Variants in AKAP12 observed in about 807,000 individuals in gnomAD.
AKAP12 encodes A-kinase anchor protein 12.
A neutral mutation model predicts 79.9 loss-of-function variants in AKAP12; 32 were observed. The observed-to-expected ratio is 0.40, with a 90% CI of 0.30 to 0.54. AKAP12 has a LOEUF of 0.54. Ranked by LOEUF, AKAP12 falls within the 20% of genes least tolerant of loss-of-function variation. AKAP12 has a pLI of 0.48. For missense variants in AKAP12, 2,074 were observed against 2,177.0 expected (o/e 0.95, Z 0.94); for synonymous variants, 808 against 857.0 (o/e 0.94, Z 1.00).
chr6:151,270,757 G>A (rs1267638078), intron 2 of AKAP12, among the ~76,000 whole-genome samples: 1 of 151,876 alleles, frequency 6.6e-6, no homozygotes, highest in Admixed American at 6.6e-5. Context: ...TGGTTTTGAT[G>A]TGCATTTCCC....
At chr6:151,252,702 T>C (rs1273680601) in intron 2 of AKAP12, among the ~76,000 whole-genome samples, 1 of 128,100 alleles carries the variant, frequency 7.8e-6, no homozygotes, top group Non-Finnish European at 1.5e-5. Context: ...GAGACCAGCC[T>C]GGACAAGATA....
intron 2 of AKAP12, among the ~76,000 whole-genome samples, chr6:151,255,821 G>A (rs1420820754): frequency 2.0e-5 from 3 of 152,154 alleles, no homozygotes; most frequent in Non-Finnish European, 4.4e-5. Context: ...CAAAAAGCAA[G>A]CGCTAATGGA....
chr6:151,350,408 G>A lies in AKAP12; in HGVS notation c.2017G>A (p.Val673Met), dbSNP rs771068398. The A allele has an allele frequency of 1.9e-6, 3 of 1,613,948 alleles. No homozygotes were observed. Among genetic ancestry groups the A allele is most frequent in the Non-Finnish European group, 2.5e-6 (3 of 1,180,052 alleles). Reference protein sequence around the residue: ...EPKPEEPKRKVDTSVSWEALI... With the variant: ...EPKPEEPKRKMDTSVSWEALI... Reference sequence around the variant, plus strand: ...AAAGCCGGAAGAACCAAAGCGCAAGGTGGATACCTCAGTATCTTGGGAAGC... The same window carrying A: ...AAAGCCGGAAGAACCAAAGCGCAAGATGGATACCTCAGTATCTTGGGAAGC... The change falls in exon 4 of 5, where the codon GTG becomes ATG. Residue 673 changes from valine to methionine, a missense_variant. Transcript: ENST00000402676. The surrounding 1 kb of genome is among the most constrained non-coding windows in gnomAD (Gnocchi z 4.8).
intron 3 of AKAP12, among the ~76,000 whole-genome samples, chr6:151,342,646 A>G (rs1166194757): frequency 6.6e-6 from 1 of 152,198 alleles, no homozygotes; most frequent in African/African-American, 2.4e-5. Context: ...AGACTAGTTG[A>G]CCAGCTACAA....
chr6:151,331,469 C>T (rs1370781204), intron 3 of AKAP12, among the ~76,000 whole-genome samples: 2 of 152,144 alleles, frequency 1.3e-5, no homozygotes, highest in African/African-American at 4.8e-5. Context: ...CTTAGAAAAA[C>T]ATAAAGCAAA....
At chr6:151,329,104 C>T (rs563022703) in intron 3 of AKAP12, among the ~76,000 whole-genome samples, 114 of 144,610 alleles carry the variant, frequency 7.9e-4, no homozygotes, top group African/African-American at 3.0e-3. Flanking sequence ...CTGTAAATGG[C>T]GTGCCAGCAT....
rs947330673 is a variant in AKAP12 at position 151,358,003 on chromosome 6, T to C, written c.*2289T>C. On this transcript the variant is annotated 3_prime_UTR_variant, in exon 5 of 5. Transcript: ENST00000402676. ...TGCGATTCCATGAGTAGCTGCTTTA[T>C]GACTGCTTTTTGTACTATCTGGATG... 8 of 152,224 alleles carry C rather than the reference T, an allele frequency of 5.3e-5. No homozygotes were observed. Among genetic ancestry groups the C allele is most frequent in the African/African-American group, 1.9e-4 (8 of 41,452 alleles). 9.4% of individuals were successfully genotyped at this position (152,224 alleles called of 1,614,324 possible).
intron 3 of AKAP12, among the ~76,000 whole-genome samples, chr6:151,342,515 A>G (rs1283360505): frequency 6.6e-6 from 1 of 152,170 alleles, no homozygotes; most frequent in African/African-American, 2.4e-5. Flanking sequence ...GAGTGAGTAG[A>G]TTGCCCCAGC....
intron 4 of AKAP12, among the ~76,000 whole-genome samples, chr6:151,354,425 A>G (rs62441541): frequency 0.012 from 1,877 of 151,976 alleles, 29 homozygotes; most frequent in Non-Finnish European, 0.015. Context: ...CCAGGCTGGA[A>G]TGCAGTGGCG....
chr6:151,320,489 T>C (rs900551062), intron 3 of AKAP12, among the ~76,000 whole-genome samples: 1 of 152,084 alleles, frequency 6.6e-6, no homozygotes, highest in African/African-American at 2.4e-5. Context: ...CACATGTGGC[T>C]TTGCTGCCAC....
chr6:151,317,751 A>G (rs1349394287), intron 3 of AKAP12, among the ~76,000 whole-genome samples: 1 of 152,204 alleles, frequency 6.6e-6, no homozygotes, highest in African/African-American at 2.4e-5. Flanking sequence ...AGTGAAGAAA[A>G]CATCAATATA....
chr6:151,255,487 T>C (rs1033095438), intron 2 of AKAP12, among the ~76,000 whole-genome samples: 2 of 151,896 alleles, frequency 1.3e-5, no homozygotes, highest in African/African-American at 4.8e-5. Context: ...GTTTCTTTAT[T>C]GTGGGATCCT....
chr6:151,289,264 C>T lies in AKAP12; in HGVS notation c.163-16483C>T, dbSNP rs189231273. On this transcript the variant is annotated intron_variant, in intron 2 of 4. Coordinates refer to ENST00000402676, the MANE Select transcript of AKAP12 (RefSeq NM_005100.4). ...AGACGGGGAAATTCAAACTGATACT[C>T]TCCACCCCTAATGTTGAGAGAGATG... Among the ~76,000 whole-genome samples the T allele has an allele frequency of 2.0e-5, 3 of 152,290 alleles. No individual in the cohort carries two copies. The East Asian group carries it at 5.8e-4, about 29-fold the overall frequency.
intron 2 of AKAP12, among the ~76,000 whole-genome samples, chr6:151,271,297 C>T (rs1039841252): frequency 1.3e-5 from 2 of 151,918 alleles, no homozygotes; most frequent in African/African-American, 2.4e-5. Flanking sequence ...TTCTGCTTAC[C>T]CCCAGTGCCA....
At chr6:151,267,279 A>G (rs543434322) in intron 2 of AKAP12, among the ~76,000 whole-genome samples, 1 of 152,318 alleles carries the variant, frequency 6.6e-6, no homozygotes, top group Admixed American at 6.5e-5. Context: ...GGTGGTTAAT[A>G]TAGAGCATTT....
intron 3 of AKAP12, among the ~76,000 whole-genome samples, chr6:151,338,494 T>A (rs188602037): frequency 5.3e-5 from 8 of 151,508 alleles, no homozygotes; most frequent in Admixed American, 6.6e-5. Flanking sequence ...CTTGCTCTGT[T>A]GCCCAGGATG....
rs1433765953 is a variant in AKAP12, at chr6:151,323,796, C to G, written c.319+17893C>G. The stretch of plus-strand genomic sequence containing the variant: ...ATAGAAAGGAGAGGAGCTGGAGATT[C>G]ATTCTGCTCTGCAAGGGCAGACTCG... On this transcript the variant is annotated intron_variant, in intron 3 of 4. Transcript: ENST00000402676. 7 of 985,252 alleles carry G rather than the reference C, an allele frequency of 7.1e-6. No individual in the cohort carries two copies. The African/African-American group carries it at 8.7e-5, about 12-fold the overall frequency. 61.0% of individuals were successfully genotyped at this position (985,252 alleles called of 1,614,324 possible).
chr6:151,268,342 G>A (rs1040057444), intron 2 of AKAP12, among the ~76,000 whole-genome samples: 8 of 152,072 alleles, frequency 5.3e-5, no homozygotes, highest in African/African-American at 1.9e-4. Context: ...GCTTGAACCC[G>A]GGAGGCAGAG....
intron 3 of AKAP12, chr6:151,319,527 GATAT>G (rs146314242): frequency 2.0e-5 from 2 of 101,270 alleles, no homozygotes; most frequent in African/African-American, 4.0e-5. Context: ...TCTCTATATA[GATAT>G]ATATATATAG....
Sources: gnomAD v4.1 joint callset for allele counts (sites outside exome capture counted in the v4.1 genomes callset) on GRCh38, gnomAD v4.1.1 for gene constraint, Gnocchi (gnomAD v3.1) non-coding constraint, MANE v1.5 for transcripts, NCBI Gene and HGNC (gene_info 2026-07-23, HGNC 2026-07-21) for gene names.